Variants in N4BP2L1 observed in about 807,000 individuals in gnomAD.
N4BP2L1 encodes NEDD4 binding protein 2 like 1.
In N4BP2L1, 12 loss-of-function variants were observed where a neutral mutation model predicts 21.2. The ratio of observed to expected loss-of-function variants is 0.57; its 90% CI spans 0.36 to 0.92. The LOEUF (loss-of-function observed/expected upper bound fraction) is 0.92. N4BP2L1 is among the 40% of genes least tolerant of loss of function. N4BP2L1 has a pLI of 0.01. For synonymous variants in N4BP2L1, 104 were observed against 112.8 expected (o/e 0.92, Z 0.49); for missense variants, 259 against 310.6 (o/e 0.83, Z 1.25).
chr13:32,409,587 T>C (rs2073729220), intron 1 of N4BP2L1, among the ~76,000 whole-genome samples: 1 of 152,224 alleles, frequency 6.6e-6, no homozygotes, highest in Non-Finnish European at 1.5e-5. Context: ...TTTCAAGGAA[T>C]TCATGGCCCA....
intron 3 of N4BP2L1, among the ~76,000 whole-genome samples, chr13:32,404,651 A>G (rs1236493642): frequency 2.0e-5 from 3 of 150,628 alleles, no homozygotes; most frequent in Admixed American, 1.3e-4. Context: ...TGTTTTGGAC[A>G]TCTTTAAAAA....
chr13:32,416,025 G>C (rs1432495456), intron 1 of N4BP2L1: 1 of 152,182 alleles, frequency 6.6e-6, no homozygotes, highest in Non-Finnish European at 1.5e-5. Context: ...CAAGTACCTA[G>C]AACACTGTGT....
chr13:32,420,919 T>C (rs2074440561), intron 1 of N4BP2L1, among the ~76,000 whole-genome samples: 1 of 151,998 alleles, frequency 6.6e-6, no homozygotes, highest in Non-Finnish European at 1.5e-5. Context: ...GGTCTCGAAC[T>C]CCTGACCTCA....
At chr13:32,408,662 G>C (rs2073669699) in intron 1 of N4BP2L1, among the ~76,000 whole-genome samples, 1 of 152,146 alleles carries the variant, frequency 6.6e-6, no homozygotes, top group Non-Finnish European at 1.5e-5. Context: ...TAAAAACTGA[G>C]GACAAACAAA....
At chr13:32,411,736 T>G (rs1391004543) in intron 1 of N4BP2L1, 17 of 982,638 alleles carry the variant, frequency 1.7e-5, no homozygotes, top group Non-Finnish European at 2.1e-5. Flanking sequence ...GGGCTAATCT[T>G]GATTTCACAA....
chr13:32,427,872 C>A, intron 1 of N4BP2L1, 32 bp downstream of exon 1: 1 of 1,401,014 alleles, frequency 7.1e-7, no homozygotes, highest in Non-Finnish European at 9.4e-7. Context: ...GGCCCCGGGC[C>A]CGTGCACCGG....
In N4BP2L1 at chr13:32,407,765, G is replaced by T; in HGVS notation, c.187C>A (p.Gln63Lys). The T allele has an allele frequency of 1.3e-6, 2 of 1,590,726 alleles. No individual in the cohort carries two copies. The highest frequency in any genetic ancestry group is 1.1e-5 in the South Asian group (1 of 87,040). ...SGKTTLARQL[Q>K]HDFPRALIFS... ...ATCAGGGCCCTGGGAAAGTCATGCT[G>T]CAATTGTCTGGAAAGTGGAGAAATG... Residue 63 changes from glutamine (Q) to lysine (K), a missense_variant, in exon 2 of 5, where the codon CAG (glutamine) becomes AAG (lysine). Around this residue, in one of 3 missense-constraint regions of N4BP2L1, gnomAD observed 91 missense variants for 148.1 expected, o/e 0.61. Coordinates refer to ENST00000380130, the MANE Select transcript of N4BP2L1 (RefSeq NM_052818.3).
rs547738729 is a variant in N4BP2L1, at chr13:32,408,029, G to A, written c.180-257C>T. ...GAAACTAAGAGGCACAGTCACTGCC[G>A]CTGCCTTCTGTAGCGGCAAGAACTG... On this transcript the variant is annotated intron_variant, in intron 1 of 4. Transcript: ENST00000380130. Among the ~76,000 whole-genome samples the A allele has an allele frequency of 2.6e-5, 4 of 152,332 alleles. No individual in the cohort carries two copies. In the East Asian group the frequency reaches 5.8e-4, roughly 22 times the overall value.
chr13:32,422,258 CTCT>C (rs2074523680), intron 1 of N4BP2L1, among the ~76,000 whole-genome samples: 1 of 152,070 alleles, frequency 6.6e-6, no homozygotes, highest in African/African-American at 2.4e-5. Flanking sequence ...GCTTATAAGG[CTCT>C]TGTTTTTTCA....
chr13:32,411,430 T>C, intron 1 of N4BP2L1: 1 of 742,932 alleles, frequency 1.3e-6, no homozygotes, highest in Non-Finnish European at 1.6e-6. Flanking sequence ...TAGTAGCATG[T>C]TGAATAGGCA....
chr13:32,426,358 T>C (rs969257908), intron 1 of N4BP2L1, among the ~76,000 whole-genome samples: 2 of 152,068 alleles, frequency 1.3e-5, no homozygotes, highest in South Asian at 2.1e-4. Flanking sequence ...CATGACTGTA[T>C]CACAAAATAA....
intron 3 of N4BP2L1, 142 bp from the exon 4 acceptor site, chr13:32,404,539 T>C: frequency 1.6e-6 from 1 of 636,080 alleles, no homozygotes; most frequent in South Asian, 2.0e-5. Context: ...TTTATCACAA[T>C]AAATGCAGTT....
chr13:32,411,833 G>A, intron 1 of N4BP2L1: 1 of 941,840 alleles, frequency 1.1e-6, no homozygotes, highest in Non-Finnish European at 1.3e-6. Flanking sequence ...GTCACTCACT[G>A]AGAAAGTCAG....
upstream of N4BP2L1, among the ~76,000 whole-genome samples, chr13:32,429,535 A>G (rs1480225056): frequency 6.6e-6 from 1 of 152,236 alleles, no homozygotes; most frequent in Non-Finnish European, 1.5e-5. Context: ...ACTGGCTAAT[A>G]TGGGGGCCAC....
intron 4 of N4BP2L1, 115 bp from the exon 5 acceptor site, chr13:32,403,315 TGG>T: frequency 9.4e-7 from 1 of 1,067,370 alleles, no homozygotes; most frequent in Non-Finnish European, 1.3e-6. Context: ...GACCTAGCTC[TGG>T]CAAAAGCATA....
intron 1 of N4BP2L1, 69 bp downstream of exon 1, chr13:32,427,835 G>A (rs2074877761): frequency 1.8e-6 from 2 of 1,122,614 alleles, no homozygotes; most frequent in South Asian, 5.8e-5. Context: ...GCTTGGGGCA[G>A]GGGTGCGCTC....
chr13:32,428,337 T>A (rs2074915173), upstream of N4BP2L1: 3 of 336,932 alleles, frequency 8.9e-6, no homozygotes, highest in African/African-American at 2.1e-5. Flanking sequence ...CGACCCCCGC[T>A]CCGCCTCCTG....
At chr13:32,428,217 TC>T, upstream of N4BP2L1, 1 of 893,960 alleles carries the variant, frequency 1.1e-6, no homozygotes, top group Non-Finnish European at 1.5e-6. Context: ...GCCCCTCCTT[TC>T]CACCCGCCGG....
Position 32,402,354 on chromosome 13 carries a change from G to GAAAT in N4BP2L1, c.*584_*587dup, listed in dbSNP as rs1237478907. ...AACAATGATACATCATTAAAATAAA[G>GAAAT]AAATAACTTCCCAAAGTGTCTACTT... On this transcript the variant is annotated 3_prime_UTR_variant, in exon 5 of 5. Coordinates refer to ENST00000380130, the MANE Select transcript of N4BP2L1 (RefSeq NM_052818.3). 3 of 630,806 alleles carry GAAAT rather than the reference G, an allele frequency of 4.8e-6. No homozygotes were observed. Among genetic ancestry groups the GAAAT allele is most frequent in the Admixed American group, 1.3e-4 (2 of 15,814 alleles). The allele number at this position is 630,806 out of a possible 1,614,324, so 39.1% of individuals were successfully genotyped here.
Sources: allele counts gnomAD v4.1 joint callset (sites outside exome capture counted in the v4.1 genomes callset), GRCh38; gene constraint gnomAD v4.1.1; regional missense constraint gnomAD v4.1.1; transcripts MANE v1.5; gene names NCBI Gene and HGNC (gene_info 2026-07-23, HGNC 2026-07-21).